Variants in TAF1B observed in about 807,000 individuals in gnomAD.
The protein encoded by TAF1B is TATA box-binding protein-associated factor RNA polymerase I subunit B.
TAF1B carries 61 observed loss-of-function variants against 83.9 expected under a neutral mutation model. That is an observed-to-expected ratio of 0.73 (90% CI 0.59 to 0.90). The LOEUF is 0.90. TAF1B is among the 40% of genes least tolerant of loss of function. TAF1B has a pLI of 0.00. For missense variants in TAF1B, 625 were observed against 677.0 expected, an observed-to-expected ratio of 0.92 and a Z score of 0.85; for synonymous variants, 221 against 224.6, an observed-to-expected ratio of 0.98 and a Z score of 0.14.
At position 9,843,553 on chromosome 2, in the gene TAF1B, G is replaced by C; in HGVS notation, c.12G>C (p.Glu4Asp). MDL[E>D]EAEEFKERCT... ...CCCGCGGCGCCGCGATGGACCTCGA[G>C]GAGGCGGTAAGGAGGCGGTGCACCT... Residue 4 changes from glutamate to aspartate, a missense_variant, in exon 1 of 15, where the codon GAG becomes GAC. Transcript: ENST00000263663. 1.3e-6 allele frequency: 2 copies of C among 1,530,314 alleles called. No individual in the cohort carries two copies. The highest frequency in any genetic ancestry group is 1.8e-6 in the Non-Finnish European group (2 of 1,136,674). 94.8% of individuals were successfully genotyped at this position (1,530,314 alleles called of 1,614,324 possible).
intron 8 of TAF1B, among the ~76,000 whole-genome samples, chr2:9,898,253 G>A (rs1665077557): frequency 6.6e-6 from 1 of 152,314 alleles, no homozygotes; most frequent in Middle Eastern, 3.4e-3. Flanking sequence ...TAGACCCAGT[G>A]TCAGAAATTG....
intron 12 of TAF1B, among the ~76,000 whole-genome samples, chr2:9,916,671 G>A (rs758522638): frequency 1.3e-5 from 2 of 152,014 alleles, no homozygotes; most frequent in African/African-American, 2.4e-5. Context: ...TTAAAGAATC[G>A]CTAACTCATT....
chr2:9,874,392 A>G (rs756534232), intron 6 of TAF1B, among the ~76,000 whole-genome samples: 4 of 151,860 alleles, frequency 2.6e-5, no homozygotes, highest in African/African-American at 7.3e-5. Flanking sequence ...ATCACTTACT[A>G]TGACTCTACA....
intron 6 of TAF1B, among the ~76,000 whole-genome samples, chr2:9,874,178 T>C (rs548299811): frequency 4.6e-4 from 70 of 152,302 alleles, no homozygotes; most frequent in African/African-American, 1.7e-3. Context: ...ACGTAGAAAC[T>C]ATATTATGTT....
chr2:9,864,542 C>T (rs1350951083), intron 5 of TAF1B, among the ~76,000 whole-genome samples: 1 of 152,176 alleles, frequency 6.6e-6, no homozygotes, highest in Non-Finnish European at 1.5e-5. Context: ...CCTTCTGAAA[C>T]TATTCCAATC....
At chr2:9,867,284 A>G (rs753189028) in intron 5 of TAF1B, among the ~76,000 whole-genome samples, 1 of 152,194 alleles carries the variant, frequency 6.6e-6, no homozygotes, top group Non-Finnish European at 1.5e-5. Flanking sequence ...TGAATCGTCC[A>G]GAAGAATCAG....
intron 12 of TAF1B, 40 bp from the exon 13 acceptor site, chr2:9,919,001 C>G (rs781253716): frequency 6.5e-7 from 1 of 1,529,862 alleles, no homozygotes; most frequent in Non-Finnish European, 9.0e-7. Flanking sequence ...ATGTCCGTTT[C>G]ATCTCCGTCC....
chr2:9,863,659 A>G (rs1430972943), intron 5 of TAF1B, among the ~76,000 whole-genome samples: 1 of 152,222 alleles, frequency 6.6e-6, no homozygotes, highest in Non-Finnish European at 1.5e-5. Context: ...TTTCAGCACC[A>G]CACCACACCT....
At chr2:9,863,396 ACTAT>A (rs1396353175) in intron 5 of TAF1B, among the ~76,000 whole-genome samples, 2 of 152,236 alleles carry the variant, frequency 1.3e-5, no homozygotes, top group African/African-American at 4.8e-5. Context: ...AGAAGAGCTA[ACTAT>A]CCTAAATATA....
At chr2:9,899,182 T>A (rs1665108226) in intron 8 of TAF1B, among the ~76,000 whole-genome samples, 1 of 152,158 alleles carries the variant, frequency 6.6e-6, no homozygotes, top group Non-Finnish European at 1.5e-5. Context: ...TGTTCCAGCC[T>A]CTGGTAAACA....
intron 2 of TAF1B, among the ~76,000 whole-genome samples, chr2:9,848,899 C>T (rs953907252): frequency 2.6e-5 from 4 of 152,092 alleles, no homozygotes; most frequent in South Asian, 2.1e-4. Context: ...AAATGTAATA[C>T]GTACTTTTAT....
chr2:9,884,100 T>C (rs1260864130), intron 8 of TAF1B, among the ~76,000 whole-genome samples: 1 of 152,254 alleles, frequency 6.6e-6, no homozygotes, highest in Non-Finnish European at 1.5e-5. Context: ...CAGTCAGATA[T>C]GCCACCTGCT....
intron 9 of TAF1B, among the ~76,000 whole-genome samples, chr2:9,908,027 T>C (rs56143984): frequency 2.5e-5 from 3 of 118,022 alleles, no homozygotes; most frequent in Non-Finnish European, 3.4e-5. Context: ...AGATCTTAAT[T>C]CTTTTTTTTT....
intron 6 of TAF1B, among the ~76,000 whole-genome samples, chr2:9,873,061 T>C (rs1377774918): frequency 6.6e-6 from 1 of 152,218 alleles, no homozygotes; most frequent in Non-Finnish European, 1.5e-5. Flanking sequence ...GCCACAGCAT[T>C]CCTTGACCCG....
intron 6 of TAF1B, among the ~76,000 whole-genome samples, chr2:9,872,306 A>G (rs1051105052): frequency 6.7e-6 from 1 of 150,290 alleles, no homozygotes; most frequent in Non-Finnish European, 1.5e-5. Flanking sequence ...AGTCTGGGCA[A>G]CAGAGCGAGA....
chr2:9,913,207 C>G lies in TAF1B; in HGVS notation c.1229C>G (p.Ala410Gly). Residue 410 changes from alanine (A) to glycine (G), a missense_variant, in exon 12 of 15, where the codon GCT (alanine) becomes GGT (glycine). Ala to Gly is a moderately conservative substitution (Grantham distance 60, BLOSUM62 0). Transcript: ENST00000263663. ...FRKWYQIMKK[A>G]FDEKKQKWEE... is the part of the protein sequence containing the mutation. ...AAGTGGTACCAAATTATGAAGAAAG[C>G]TTTTGATGAGAAAAAACAAAAATGG... 6.2e-7 allele frequency: 1 copy of G among 1,612,916 alleles called. No homozygotes were observed. Among genetic ancestry groups the G allele is most frequent in the Non-Finnish European group, 8.5e-7 (1 of 1,179,648 alleles).
intron 8 of TAF1B, among the ~76,000 whole-genome samples, chr2:9,897,714 C>T (rs1180979386): frequency 1.3e-5 from 2 of 152,124 alleles, no homozygotes; most frequent in East Asian, 1.9e-4. Flanking sequence ...AAATGAGGGC[C>T]TTATTGGATT....
At chr2:9,906,219 C>T (rs576253539) in intron 9 of TAF1B, among the ~76,000 whole-genome samples, 132 of 152,204 alleles carry the variant, frequency 8.7e-4, no homozygotes, top group African/African-American at 2.9e-3. Flanking sequence ...ATCTATGTCA[C>T]GTGTTTATTA....
rs200021053 is a variant in TAF1B at position 9,910,786 on chromosome 2, G to T, written c.1006G>T (p.Glu336Ter). 1.2e-6 allele frequency: 2 copies of T among 1,613,608 alleles called. No individual in the cohort carries two copies. Among genetic ancestry groups the T allele is most frequent in the Admixed American group, 1.7e-5 (1 of 59,928 alleles). The change falls in exon 10 of 15, where the codon GAA becomes TAA. Residue 336 changes from glutamate to a stop codon, truncating the protein, a stop_gained. Coordinates refer to ENST00000263663, the MANE Select transcript of TAF1B (RefSeq NM_005680.3). LOFTEE classifies it high-confidence loss of function. ...CHVVKMTGMG[E>*]VDFLTFDPIA... Reference sequence around the variant, plus strand: ...CGTGGTAAAAATGACTGGAATGGGAGAAGTGGATTTTCTGACATTTGATCC... The same window carrying T: ...CGTGGTAAAAATGACTGGAATGGGATAAGTGGATTTTCTGACATTTGATCC...
Sources: allele counts gnomAD v4.1 joint callset (sites outside exome capture counted in the v4.1 genomes callset), GRCh38; gene constraint gnomAD v4.1.1; transcripts MANE v1.5; gene names NCBI Gene and HGNC (gene_info 2026-07-23, HGNC 2026-07-21).